Variants in MED12L observed in about 807,000 individuals in gnomAD.
MED12L encodes the protein mediator complex subunit 12L.
Under a neutral mutation model 281.3 loss-of-function variants are expected in MED12L, and 60 were observed. The ratio of observed to expected loss-of-function variants is 0.21; its 90% CI spans 0.17 to 0.26. The LOEUF is 0.26. Ranked by LOEUF, MED12L falls within the 10% of genes least tolerant of loss-of-function variation. MED12L has a pLI of 1.00. For missense variants in MED12L, 2,146 were observed against 2,680.9 expected, an observed-to-expected ratio of 0.80 and a Z score of 4.41; for synonymous variants, 974 against 987.2, an observed-to-expected ratio of 0.99 and a Z score of 0.25.
intron 16 of MED12L, among the ~76,000 whole-genome samples, chr3:151,243,207 G>C (rs202045300): frequency 0.057 from 8,603 of 151,976 alleles, 553 homozygotes; most frequent in East Asian, 0.33. Context: ...ATATTATCCA[G>C]GAGAACTTCC....
At chr3:151,171,808 A>G (rs950015790) in intron 11 of MED12L, among the ~76,000 whole-genome samples, 1 of 152,168 alleles carries the variant, frequency 6.6e-6, no homozygotes, top group African/African-American at 2.4e-5. Context: ...CCAGAGGACA[A>G]AAGCTCGCTT....
chr3:151,239,751 T>C (rs1334481842), intron 16 of MED12L, among the ~76,000 whole-genome samples: 3 of 152,322 alleles, frequency 2.0e-5, no homozygotes, highest in East Asian at 3.9e-4. Flanking sequence ...CTATATTTTC[T>C]GATAAGAGAT....
At chr3:151,118,712 A>G (rs924633138) in intron 3 of MED12L, among the ~76,000 whole-genome samples, 14 of 150,726 alleles carry the variant, frequency 9.3e-5, no homozygotes, top group African/African-American at 3.4e-4. Context: ...CCAGATCTAC[A>G]AGGTGGAGTC....
At chr3:151,356,841 T>C (rs1043482504) in intron 19 of MED12L, among the ~76,000 whole-genome samples, 1 of 152,308 alleles carries the variant, frequency 6.6e-6, no homozygotes, top group East Asian at 1.9e-4. Context: ...TGGTTTCCTT[T>C]GTTTATTTTA....
intron 16 of MED12L, among the ~76,000 whole-genome samples, chr3:151,276,975 C>T (rs1028318370): frequency 6.6e-6 from 1 of 152,212 alleles, no homozygotes; most frequent in Non-Finnish European, 1.5e-5. Context: ...CAGCTCACCA[C>T]AACCTCTGGC....
intron 5 of MED12L, among the ~76,000 whole-genome samples, chr3:151,129,308 A>G (rs1032849323): frequency 2.6e-5 from 4 of 152,200 alleles, no homozygotes; most frequent in African/African-American, 9.7e-5. Context: ...TGTGGCTGCC[A>G]TCTTTGAGTT....
intron 16 of MED12L, among the ~76,000 whole-genome samples, chr3:151,344,805 T>C (rs965144442): frequency 1.3e-5 from 2 of 152,236 alleles, no homozygotes; most frequent in African/African-American, 2.4e-5. Context: ...ATTTAAAAAT[T>C]CTATGATAAT....
At chr3:151,160,812 C>T (rs990761608) in intron 8 of MED12L, among the ~76,000 whole-genome samples, 1 of 152,152 alleles carries the variant, frequency 6.6e-6, no homozygotes, top group African/African-American at 2.4e-5. Flanking sequence ...ACACAGGGGG[C>T]CAAGGCAGTT....
At chr3:151,378,703 C>G (rs182799713) in intron 31 of MED12L, among the ~76,000 whole-genome samples, 1 of 151,676 alleles carries the variant, frequency 6.6e-6, no homozygotes, top group African/African-American at 2.4e-5. Flanking sequence ...ATTTGAAAAC[C>G]GTGTTACTGA....
intron 21 of MED12L, among the ~76,000 whole-genome samples, chr3:151,364,025 A>G (rs558694081): frequency 1.1e-3 from 166 of 152,318 alleles, no homozygotes; most frequent in Non-Finnish European, 1.7e-3. Flanking sequence ...GCCATAGGTC[A>G]CCACAAACCA....
chr3:151,285,627 G>A (rs773466094), intron 16 of MED12L, among the ~76,000 whole-genome samples: 6 of 151,898 alleles, frequency 4.0e-5, no homozygotes, highest in East Asian at 1.9e-4. Flanking sequence ...AAAAATCACC[G>A]CTAAAGAACT....
chr3:151,409,245 C>A lies in MED12L; in HGVS notation c.5823C>A (p.Gly1941=). The A allele has an allele frequency of 6.3e-7, 1 of 1,588,020 alleles. No individual in the cohort carries two copies. The highest frequency in any genetic ancestry group is 1.2e-5 in the South Asian group (1 of 86,692). ...TTTGCTTTGGCTTTGTTTTCCAGGG[C>A]CAGCCGGGGGACCAGGCTGCTCTCT... ...RQAQTRPFQQ[G]QPGDQAALFA... Residue 1941 remains glycine (G), a splice_region_variant and synonymous_variant, in exon 40 of 45, where the codon GGC becomes GGA. Transcript: ENST00000687756.
At chr3:151,134,223 C>G (rs1250367863) in intron 5 of MED12L, among the ~76,000 whole-genome samples, 8 of 146,134 alleles carry the variant, frequency 5.5e-5, no homozygotes, top group Non-Finnish European at 7.4e-5. Flanking sequence ...TGAAAATGGT[C>G]AGTCCCTCAC....
chr3:151,380,266 A>G, intron 32 of MED12L, 42 bp downstream of exon 32: 1 of 1,307,094 alleles, frequency 7.7e-7, no homozygotes. Flanking sequence ...ATATCTTTCT[A>G]ACGGCATTCA....
chr3:151,374,595 G>A (rs775097366), intron 27 of MED12L, among the ~76,000 whole-genome samples: 3 of 152,086 alleles, frequency 2.0e-5, no homozygotes, highest in Non-Finnish European at 4.4e-5. Context: ...ATACCACTAG[G>A]AAGAACAAAC....
intron 2 of MED12L, among the ~76,000 whole-genome samples, chr3:151,106,095 G>A (rs1176796042): frequency 6.6e-6 from 1 of 152,018 alleles, no homozygotes; most frequent in Non-Finnish European, 1.5e-5. Context: ...TCTCATGAGA[G>A]CCTGGTAACT....
In MED12L at chr3:151,257,505, G is replaced by A. The variant is rs80218899; in HGVS notation, c.2250+63839G>A. 1.3e-4 allele frequency among the ~76,000 whole-genome samples: 20 copies of A among 152,366 alleles called. No individual in the cohort carries two copies. In the East Asian group the frequency reaches 1.7e-3, roughly 13 times the overall value. On this transcript the variant is annotated intron_variant, in intron 16 of 44. Coordinates refer to ENST00000687756, the MANE Select transcript of MED12L (RefSeq NM_001393769.1). ...CTCTCTGTGCTTCAGCACCCTCATC[G>A]TTAGGAGAATCTGTACAAAAGTGAT... is the stretch of plus-strand genomic sequence containing the variant.
intron 16 of MED12L, among the ~76,000 whole-genome samples, chr3:151,322,495 C>A (rs991592595): frequency 2.0e-5 from 3 of 152,144 alleles, no homozygotes; most frequent in East Asian, 3.9e-4. Flanking sequence ...CTGCATCTGG[C>A]GCCCCATGGA....
intron 2 of MED12L, among the ~76,000 whole-genome samples, chr3:151,097,791 A>G (rs1301977891): frequency 6.6e-6 from 1 of 152,202 alleles, no homozygotes; most frequent in Non-Finnish European, 1.5e-5. Flanking sequence ...CCTACACCAA[A>G]GACTTAACTG....
Sources: allele counts gnomAD v4.1 joint callset (sites outside exome capture counted in the v4.1 genomes callset), GRCh38; gene constraint gnomAD v4.1.1; transcripts MANE v1.5; gene names NCBI Gene and HGNC (gene_info 2026-07-23, HGNC 2026-07-21).